PCBP3: variants seen among roughly 807,000 people sequenced by gnomAD.
PCBP3 encodes poly(rC)-binding protein 3.
Under a neutral mutation model 52.7 loss-of-function variants are expected in PCBP3, and 25 were observed. The observed-to-expected ratio is 0.47, with a 90% CI of 0.35 to 0.66. The LOEUF (loss-of-function observed/expected upper bound fraction) is 0.66. PCBP3 is among the 30% of genes least tolerant of loss of function. The probability of loss-of-function intolerance (pLI) is 0.01; values close to 1 mark genes in which losing one functional copy is unlikely to be tolerated. For missense variants in PCBP3, 391 were observed against 490.3 expected (o/e 0.80, Z 1.91); for synonymous variants, 162 against 183.0 (o/e 0.89, Z 0.93).
rs528441003 is a variant in PCBP3, at chr21:45,827,779, A to C, written c.-125-22182A>C. ...CTCAATTAAAAGACCCAGAAAGTTT[A>C]AAATGAAAGAGATGGAGGAGTTGCC... On this transcript the variant is annotated intron_variant, in intron 4 of 17. Transcript: ENST00000681687. This position sits in a 1 kb window ranked among gnomAD's most constrained non-coding sequence, Gnocchi z 4.3. Among the ~76,000 whole-genome samples the C allele has an allele frequency of 2.6e-5, 4 of 152,330 alleles. No individual in the cohort carries two copies. The East Asian group carries it at 7.7e-4, about 29-fold the overall frequency.
chr21:45,825,942 A>G (rs1350848368), intron 4 of PCBP3, among the ~76,000 whole-genome samples: 1 of 152,218 alleles, frequency 6.6e-6, no homozygotes, highest in Non-Finnish European at 1.5e-5. Context: ...GTTACTACCT[A>G]TGAAAGAAAA....
At chr21:45,921,166 T>TGGTATTAAGTAGAAATTTTTAAAGCATC (rs2074377134) in intron 13 of PCBP3, among the ~76,000 whole-genome samples, 1 of 149,404 alleles carries the variant, frequency 6.7e-6, no homozygotes, top group African/African-American at 2.4e-5. Context: ...TATCTGAGCT[T>TGGTATTAAGTAGAAATTTTTAAAGCATC]GGTATTTAGT....
At chr21:45,795,671 C>T (rs1704526285) in intron 4 of PCBP3, among the ~76,000 whole-genome samples, 1 of 151,838 alleles carries the variant, frequency 6.6e-6, no homozygotes, top group African/African-American at 2.4e-5. Flanking sequence ...CCATATGACT[C>T]TAAAGGTTAG....
chr21:45,889,017 C>T (rs1291811949), intron 5 of PCBP3, among the ~76,000 whole-genome samples: 1 of 152,224 alleles, frequency 6.6e-6, no homozygotes, highest in Admixed American at 6.5e-5. Context: ...CCTAAATACA[C>T]CTTTATGGGC....
At chr21:45,644,354 GTGA>G (rs1312947802) in intron 1 of PCBP3, among the ~76,000 whole-genome samples, 1 of 151,816 alleles carries the variant, frequency 6.6e-6, no homozygotes, top group Non-Finnish European at 1.5e-5. Flanking sequence ...TCACCCCTCG[GTGA>G]CCCTGCGGAG....
chr21:45,917,237 T>A lies in PCBP3; in HGVS notation c.676-351T>A, dbSNP rs375254. On this transcript the variant is annotated intron_variant, in intron 12 of 17. Transcript: ENST00000681687. The surrounding 1 kb of genome is among the most constrained non-coding windows in gnomAD (Gnocchi z 5.3). ...AAAAGTATTTACTCAGATGACTGATTAAATTTTCAAAACCGTAATAATTAG... is the reference window on the plus strand; with the variant it reads ...AAAAGTATTTACTCAGATGACTGATAAAATTTTCAAAACCGTAATAATTAG... 0.21 allele frequency: 50,753 copies of A among 247,310 alleles called. 6,792 individuals are homozygous for A. The highest frequency in any genetic ancestry group is 0.26 in the Non-Finnish European group (34,481 of 130,602). 15.3% of individuals were successfully genotyped at this position (247,310 alleles called of 1,614,324 possible). A position where few individuals can be genotyped will look rare whatever the true frequency, so the allele number is the denominator to read the frequency against.
chr21:45,919,863 ATG>A (rs1324079907), intron 13 of PCBP3, among the ~76,000 whole-genome samples: 1 of 152,066 alleles, frequency 6.6e-6, no homozygotes, highest in Non-Finnish European at 1.5e-5. Flanking sequence ...GTCCCCGTGC[ATG>A]TGTGTGGCAG....
intron 5 of PCBP3, among the ~76,000 whole-genome samples, chr21:45,885,531 T>C (rs2095497591): frequency 6.6e-6 from 1 of 152,184 alleles, no homozygotes; most frequent in South Asian, 2.1e-4. Flanking sequence ...GAATGTTAGG[T>C]CCTCCCCATG....
At chr21:45,644,327 G>A (rs1233609974) in intron 1 of PCBP3, among the ~76,000 whole-genome samples, 1 of 151,698 alleles carries the variant, frequency 6.6e-6, no homozygotes, top group South Asian at 2.1e-4. Flanking sequence ...CTGGACGGCC[G>A]CCGGGAGAGC....
At chr21:45,826,226 C>T (rs1378671813) in intron 4 of PCBP3, among the ~76,000 whole-genome samples, 2 of 151,544 alleles carry the variant, frequency 1.3e-5, no homozygotes, top group African/African-American at 4.9e-5. Context: ...GCATTGCACT[C>T]CAGCCTGGGC....
At chr21:45,868,856 C>G (rs980300691) in intron 5 of PCBP3, among the ~76,000 whole-genome samples, 4 of 152,168 alleles carry the variant, frequency 2.6e-5, no homozygotes, top group African/African-American at 9.7e-5. Context: ...TGACAGGAGC[C>G]CCGCAGGACG....
chr21:45,850,527 C>A (rs1408024300), intron 5 of PCBP3, among the ~76,000 whole-genome samples: 2 of 152,162 alleles, frequency 1.3e-5, no homozygotes, highest in Non-Finnish European at 2.9e-5. Context: ...TGATACCCTG[C>A]AGACATTAGT....
intron 4 of PCBP3, among the ~76,000 whole-genome samples, chr21:45,844,140 T>C (rs1027912248): frequency 6.6e-6 from 1 of 152,050 alleles, no homozygotes; most frequent in African/African-American, 2.4e-5. Context: ...AGCAGTCTGG[T>C]TGCGGACAAG....
At chr21:45,921,935 G>A (rs997078025) in intron 13 of PCBP3, among the ~76,000 whole-genome samples, 2 of 152,220 alleles carry the variant, frequency 1.3e-5, no homozygotes, top group African/African-American at 4.8e-5. Flanking sequence ...CTCTGGATGT[G>A]CAGGTGTTTT....
chr21:45,698,741 A>G (rs1181176910), intron 2 of PCBP3, among the ~76,000 whole-genome samples: 1 of 152,196 alleles, frequency 6.6e-6, no homozygotes, highest in African/African-American at 2.4e-5. Flanking sequence ...CATTAAGCTG[A>G]CTCAGAGAAC....
At chr21:45,934,272 G>A (rs549607743) in intron 15 of PCBP3, among the ~76,000 whole-genome samples, 1 of 152,276 alleles carries the variant, frequency 6.6e-6, no homozygotes, top group East Asian at 1.9e-4. Context: ...CAGAGTGTCA[G>A]CGTTAGACTT....
At chr21:45,934,429 T>C (rs1443382075) in intron 15 of PCBP3, among the ~76,000 whole-genome samples, 1 of 152,230 alleles carries the variant, frequency 6.6e-6, no homozygotes, top group Non-Finnish European at 1.5e-5. Flanking sequence ...AGAGGTTGTC[T>C]TTTATCTGAT....
At chr21:45,688,522 G>A (rs866192882) in intron 2 of PCBP3, among the ~76,000 whole-genome samples, 64 of 151,868 alleles carry the variant, frequency 4.2e-4, no homozygotes, top group African/African-American at 1.4e-3. Context: ...ATCAGAAGAG[G>A]AAAAAGATCC....
intron 5 of PCBP3, among the ~76,000 whole-genome samples, chr21:45,876,540 T>C (rs907760814): frequency 6.6e-6 from 1 of 152,186 alleles, no homozygotes; most frequent in African/African-American, 2.4e-5. Context: ...GGCCAGGCTG[T>C]GTAAGCCCTG....
Sources: gnomAD v4.1 joint callset for allele counts (sites outside exome capture counted in the v4.1 genomes callset) on GRCh38, gnomAD v4.1.1 for gene constraint, Gnocchi (gnomAD v3.1) non-coding constraint, MANE v1.5 for transcripts, NCBI Gene and HGNC (gene_info 2026-07-23, HGNC 2026-07-21) for gene names.